Variants in ANXA10 observed in about 807,000 individuals in gnomAD.
ANXA10 encodes annexin 14.
A neutral mutation model predicts 53.5 loss-of-function variants in ANXA10; 49 were observed. The ratio of observed to expected loss-of-function variants is 0.92; its 90% confidence interval spans 0.73 to 1.16. ANXA10 has a LOEUF of 1.16. Among genes scored for constraint, ANXA10 ranks in the 50% most tolerant of loss-of-function variants. The pLI, the probability that ANXA10 is intolerant of heterozygous loss-of-function variation, is 0.00. For synonymous variants in ANXA10, 131 were observed against 128.9 expected (o/e 1.02, Z -0.11); for missense variants, 393 against 394.4 (o/e 1.00, Z 0.03).
intron 6 of ANXA10, among the ~76,000 whole-genome samples, chr4:168,169,681 G>C (rs760794131): frequency 6.6e-6 from 1 of 152,184 alleles, no homozygotes; most frequent in Non-Finnish European, 1.5e-5. Context: ...TCTACTTAAT[G>C]AAAGGGCTGA....
intron 3 of ANXA10, among the ~76,000 whole-genome samples, chr4:168,158,041 T>C (rs745561348): frequency 1.3e-5 from 2 of 152,226 alleles, no homozygotes; most frequent in Admixed American, 1.3e-4. Flanking sequence ...GGTTGCAATA[T>C]ATTACATTCT....
In ANXA10 at chr4:168,133,673, A is replaced by T. The variant is rs1731190379; in HGVS notation, c.100+5508A>T. On this transcript the variant is annotated intron_variant, in intron 2 of 11. Coordinates refer to ENST00000359299, the MANE Select transcript of ANXA10 (RefSeq NM_007193.5). ...ACATTGGCAAACAAACATAATGCAA[A>T]TGACATTTCAGTTGACAAAAAATAT... Among the ~76,000 whole-genome samples, 3 of 152,238 alleles carry T rather than the reference A, an allele frequency of 2.0e-5. No individual in the cohort carries two copies. In the South Asian group the frequency reaches 6.2e-4, roughly 31 times the overall value.
At chr4:168,140,426 G>C (rs886250755) in intron 3 of ANXA10, among the ~76,000 whole-genome samples, 1 of 152,198 alleles carries the variant, frequency 6.6e-6, no homozygotes, top group African/African-American at 2.4e-5. Flanking sequence ...GCTACTATCA[G>C]TAGTGACCTT....
intron 1 of ANXA10, among the ~76,000 whole-genome samples, chr4:168,123,607 C>T (rs1051138500): frequency 1.3e-5 from 2 of 152,146 alleles, no homozygotes; most frequent in African/African-American, 2.4e-5. Context: ...GCAAGATTCT[C>T]ATTACAATTG....
chr4:168,166,869 C>T (rs1212141291), intron 6 of ANXA10, among the ~76,000 whole-genome samples: 2 of 151,916 alleles, frequency 1.3e-5, no homozygotes, highest in African/African-American at 4.8e-5. Context: ...ACATGAAAGC[C>T]TTTTTAGTGG....
At chr4:168,105,192 T>C (rs1730700841) in intron 1 of ANXA10, among the ~76,000 whole-genome samples, 1 of 151,852 alleles carries the variant, frequency 6.6e-6, no homozygotes, top group African/African-American at 2.4e-5. Flanking sequence ...GGGAGTTCAT[T>C]GTACAGATTA....
At chr4:168,132,954 T>C (rs566191505) in intron 2 of ANXA10, among the ~76,000 whole-genome samples, 1 of 152,226 alleles carries the variant, frequency 6.6e-6, no homozygotes, top group South Asian at 2.1e-4. Flanking sequence ...CACAGATATT[T>C]CGTGGTCATT....
At chr4:168,184,162 T>C (rs1732319097) in intron 10 of ANXA10, among the ~76,000 whole-genome samples, 1 of 152,200 alleles carries the variant, frequency 6.6e-6, no homozygotes, top group Admixed American at 6.5e-5. Flanking sequence ...CAAGGAAGAA[T>C]TCTTACCAGG....
chr4:168,161,577 GT>G (rs1159754319), intron 3 of ANXA10, among the ~76,000 whole-genome samples: 4 of 151,822 alleles, frequency 2.6e-5, no homozygotes, highest in East Asian at 1.9e-4. Flanking sequence ...TTTTAAAATA[GT>G]TTTTTTTCTA....
At chr4:168,106,918 A>G (rs1730728862) in intron 1 of ANXA10, among the ~76,000 whole-genome samples, 1 of 152,184 alleles carries the variant, frequency 6.6e-6, no homozygotes, top group Admixed American at 6.5e-5. Flanking sequence ...CATATAGGAT[A>G]AAATGCATTA....
rs116028284 is a variant in ANXA10, at chr4:168,174,732, C to T, written c.481-3008C>T. Among the ~76,000 whole-genome samples the T allele has an allele frequency of 1.1e-3, 169 of 152,238 alleles. 1 individual carries two copies. Among genetic ancestry groups the T allele is most frequent in the South Asian group, 6.0e-3 (29 of 4,820 alleles). On this transcript the variant is annotated intron_variant, in intron 6 of 11. Coordinates refer to ENST00000359299, the MANE Select transcript of ANXA10 (RefSeq NM_007193.5). ...GGGCTATGAAAAGGCCGAAGAAAAACGGAATCAAATGTGACTCTCAGTTTC... is the reference window on the plus strand; with the variant it reads ...GGGCTATGAAAAGGCCGAAGAAAAATGGAATCAAATGTGACTCTCAGTTTC...
intron 1 of ANXA10, among the ~76,000 whole-genome samples, chr4:168,123,210 T>C (rs1241890083): frequency 1.3e-5 from 2 of 152,188 alleles, no homozygotes; most frequent in African/African-American, 4.8e-5. Flanking sequence ...GCCTTGATTC[T>C]TTCCCCCATG....
rs369717419 is a variant in ANXA10, at chr4:168,166,164, G to A, written c.480+838G>A. ...AGAATAGAGAATCACAAAGTATAAAGTTCTAGCTCTATGATTGTCTGAAGA... is the reference window on the plus strand; with the variant it reads ...AGAATAGAGAATCACAAAGTATAAAATTCTAGCTCTATGATTGTCTGAAGA... On this transcript the variant is annotated intron_variant, in intron 6 of 11. Coordinates refer to ENST00000359299, the MANE Select transcript of ANXA10 (RefSeq NM_007193.5). Among the ~76,000 whole-genome samples the A allele has an allele frequency of 5.4e-4, 82 of 152,246 alleles. 1 individual carries two copies. The South Asian group carries it at 0.013, about 25-fold the overall frequency.
At chr4:168,163,884 A>C (rs1731827885) in intron 4 of ANXA10, among the ~76,000 whole-genome samples, 1 of 152,204 alleles carries the variant, frequency 6.6e-6, no homozygotes, top group African/African-American at 2.4e-5. Context: ...ATATCATTCC[A>C]ACAGCAAATG....
intron 1 of ANXA10, among the ~76,000 whole-genome samples, chr4:168,103,930 T>A (rs1206802378): frequency 6.6e-6 from 1 of 151,932 alleles, no homozygotes; most frequent in Non-Finnish European, 1.5e-5. Context: ...GGTATTGAAG[T>A]AATGGAAAAT....
chr4:168,162,938 G>A (rs758450894), intron 4 of ANXA10, among the ~76,000 whole-genome samples: 59 of 152,156 alleles, frequency 3.9e-4, no homozygotes, highest in Non-Finnish European at 6.6e-4. Flanking sequence ...AAGCCTCCAG[G>A]GCTATTCAGA....
intron 3 of ANXA10, among the ~76,000 whole-genome samples, chr4:168,150,895 G>A (rs1348498388): frequency 1.3e-5 from 2 of 152,180 alleles, no homozygotes; most frequent in African/African-American, 4.8e-5. Context: ...AAGAGGGTTG[G>A]TTGATATCAG....
intron 1 of ANXA10, among the ~76,000 whole-genome samples, chr4:168,122,677 G>A (rs1223215350): frequency 6.6e-6 from 1 of 152,132 alleles, no homozygotes; most frequent in Non-Finnish European, 1.5e-5. Context: ...GAGGTTGCCC[G>A]TCACATGGCG....
intron 2 of ANXA10, among the ~76,000 whole-genome samples, chr4:168,132,913 A>C (rs773616215): frequency 8.5e-5 from 13 of 152,258 alleles, no homozygotes; most frequent in Middle Eastern, 3.4e-3. Flanking sequence ...TCTACTCACT[A>C]AAATTGTTTT....
Sources: allele counts gnomAD v4.1 joint callset (sites outside exome capture counted in the v4.1 genomes callset), GRCh38; gene constraint gnomAD v4.1.1; transcripts MANE v1.5; gene names NCBI Gene and HGNC (gene_info 2026-07-23, HGNC 2026-07-21).